LHFPL3: variants seen among roughly 807,000 people sequenced by gnomAD.
LHFPL3 encodes LHFPL tetraspan subfamily member 3 protein.
LHFPL3 carries 5 observed loss-of-function variants against 19.3 expected under a neutral mutation model. That is an observed-to-expected ratio of 0.26 (90% CI 0.14 to 0.54). LHFPL3 has a LOEUF of 0.54. LHFPL3 is among the 20% of genes least tolerant of loss of function. The probability of loss-of-function intolerance (pLI) is 0.94; values close to 1 mark genes in which losing one functional copy is unlikely to be tolerated. For synonymous variants in LHFPL3, 133 were observed against 126.2 expected (o/e 1.05, Z -0.36); for missense variants, 249 against 307.4 (o/e 0.81, Z 1.42).
intron 1 of LHFPL3, among the ~76,000 whole-genome samples, chr7:104,700,704 CT>C (rs1487946803): frequency 5.3e-5 from 8 of 152,192 alleles, no homozygotes; most frequent in Non-Finnish European, 7.3e-5. Context: ...AATGGATTCA[CT>C]TTTCTTATAT....
chr7:104,432,520 A>G (rs1353016779), intron 1 of LHFPL3, among the ~76,000 whole-genome samples: 2 of 151,682 alleles, frequency 1.3e-5, no homozygotes, highest in South Asian at 4.2e-4. Flanking sequence ...TCCTCTGGAG[A>G]TGATCTCATC....
In LHFPL3 at chr7:104,475,866, G is replaced by T. The variant is rs185523109; in HGVS notation, c.445+146642G>T. Among the ~76,000 whole-genome samples, 17 of 152,224 alleles carry T rather than the reference G, an allele frequency of 1.1e-4. No individual in the cohort carries two copies. The South Asian group carries it at 3.3e-3, about 30-fold the overall frequency. ...GAATAACTGTTTTCTATTCTTTCTT[G>T]AATGAAATAACATAAAATTTATCAA... On this transcript the variant is annotated intron_variant, in intron 1 of 2. Transcript: ENST00000424859.
chr7:104,408,174 T>G (rs573295833), intron 1 of LHFPL3, among the ~76,000 whole-genome samples: 3 of 152,366 alleles, frequency 2.0e-5, no homozygotes, highest in African/African-American at 7.2e-5. Context: ...CAGTCTGCAA[T>G]GACTAAGGCA....
chr7:104,699,611 A>G (rs760889793), intron 1 of LHFPL3, among the ~76,000 whole-genome samples: 14 of 152,194 alleles, frequency 9.2e-5, no homozygotes, highest in Non-Finnish European at 1.9e-4. Flanking sequence ...AAAGTTCTGG[A>G]GGTGGATGGT....
chr7:104,429,974 C>T (rs1426070077), intron 1 of LHFPL3, among the ~76,000 whole-genome samples: 1 of 151,938 alleles, frequency 6.6e-6, no homozygotes. Context: ...AGTGGAGATA[C>T]AAAAGGACAA....
chr7:104,819,377 GAAA>G (rs34477587), intron 2 of LHFPL3, among the ~76,000 whole-genome samples: 19 of 125,882 alleles, frequency 1.5e-4, no homozygotes, highest in East Asian at 1.0e-3. Flanking sequence ...TTTAGATCTG[GAAA>G]AAAAAAAAAA....
intron 2 of LHFPL3, among the ~76,000 whole-genome samples, chr7:104,892,479 G>A (rs1011264750): frequency 6.6e-6 from 1 of 152,036 alleles, no homozygotes; most frequent in Non-Finnish European, 1.5e-5. Context: ...TTGGGAAACT[G>A]AGGCAGGCGG....
intron 1 of LHFPL3, among the ~76,000 whole-genome samples, chr7:104,631,208 A>G (rs1213058618): frequency 6.6e-6 from 1 of 152,228 alleles, no homozygotes; most frequent in African/African-American, 2.4e-5. Context: ...CAGGCAATGA[A>G]GTATAAGTTT....
intron 2 of LHFPL3, among the ~76,000 whole-genome samples, chr7:104,844,687 G>A (rs1791280443): frequency 6.6e-6 from 1 of 152,106 alleles, no homozygotes; most frequent in African/African-American, 2.4e-5. Context: ...GATAATGCTT[G>A]GTATTGACTA....
intron 2 of LHFPL3, among the ~76,000 whole-genome samples, chr7:104,866,246 G>A: frequency 6.6e-6 from 1 of 152,132 alleles, no homozygotes; most frequent in East Asian, 1.9e-4. Flanking sequence ...AAATGTAAAT[G>A]GGCTAAATGC....
intron 1 of LHFPL3, among the ~76,000 whole-genome samples, chr7:104,344,296 A>AT (rs1451352904): frequency 1.3e-5 from 2 of 152,026 alleles, no homozygotes; most frequent in Non-Finnish European, 2.9e-5. Flanking sequence ...TGGGGTGCAA[A>AT]TGGTTGTTGG....
chr7:104,444,301 G>GT lies in LHFPL3; in HGVS notation c.445+115084dup, dbSNP rs149233942. The stretch of plus-strand genomic sequence containing the variant: ...TAGAAAGCAAACAACAGCATTGGGG[G>GT]TTTTTTTGGCGCTGTCAGAGAAATA... On this transcript the variant is annotated intron_variant, in intron 1 of 2. Transcript: ENST00000424859. Among the ~76,000 whole-genome samples, 402 of 152,258 alleles carry GT rather than the reference G, an allele frequency of 2.6e-3. 1 individual carries two copies. Among genetic ancestry groups the GT allele is most frequent in the African/African-American group, 9.0e-3 (374 of 41,548 alleles).
intron 2 of LHFPL3, among the ~76,000 whole-genome samples, chr7:104,881,599 T>C (rs1792059412): frequency 6.6e-6 from 1 of 152,216 alleles, no homozygotes; most frequent in Non-Finnish European, 1.5e-5. Flanking sequence ...TTTCTTGAGA[T>C]GGAACCTACT....
intron 1 of LHFPL3, among the ~76,000 whole-genome samples, chr7:104,434,829 G>A (rs1013252164): frequency 6.6e-6 from 1 of 152,090 alleles, no homozygotes; most frequent in Non-Finnish European, 1.5e-5. Flanking sequence ...CATTTCAATT[G>A]CTGATCAATT....
chr7:104,506,592 G>C (rs13242009), intron 1 of LHFPL3, among the ~76,000 whole-genome samples: 15,449 of 152,220 alleles, frequency 0.1, 873 homozygotes, highest in East Asian at 0.12. Context: ...AATCTCACTT[G>C]AGCCTCAGTG....
intron 1 of LHFPL3, among the ~76,000 whole-genome samples, chr7:104,489,712 C>G (rs1301797336): frequency 6.6e-6 from 1 of 151,914 alleles, no homozygotes; most frequent in African/African-American, 2.4e-5. Flanking sequence ...AGTGTGAGGA[C>G]AGGGAACTGG....
intron 2 of LHFPL3, among the ~76,000 whole-genome samples, chr7:104,827,496 C>G (rs903968015): frequency 1.3e-5 from 2 of 151,828 alleles, no homozygotes; most frequent in Admixed American, 6.6e-5. Flanking sequence ...CAGGTAATGG[C>G]CTGAAACTTA....
chr7:104,584,406 T>A (rs1261967707), intron 1 of LHFPL3, among the ~76,000 whole-genome samples: 1 of 152,050 alleles, frequency 6.6e-6, no homozygotes, highest in African/African-American at 2.4e-5. Flanking sequence ...CATGTATACA[T>A]ATGTAACAAA....
At chr7:104,882,119 C>A (rs1014368443) in intron 2 of LHFPL3, among the ~76,000 whole-genome samples, 1 of 152,288 alleles carries the variant, frequency 6.6e-6, no homozygotes, top group Middle Eastern at 3.4e-3. Context: ...TATATCCACA[C>A]AGAATACTAT....
Sources: allele counts gnomAD v4.1 joint callset (sites outside exome capture counted in the v4.1 genomes callset), GRCh38; gene constraint gnomAD v4.1.1; transcripts MANE v1.5; gene names NCBI Gene and HGNC (gene_info 2026-07-23, HGNC 2026-07-21).